Variants in ZNF469 observed in about 807,000 individuals in gnomAD.
ZNF469 encodes zinc finger protein 469.
A neutral mutation model predicts 1.0 loss-of-function variants in ZNF469; 1 was observed. That is an observed-to-expected ratio of 1.00 (90% CI 0.35 to 4.73). The LOEUF (loss-of-function observed/expected upper bound fraction) is 4.73, where lower values mean the gene tolerates loss of function less well. ZNF469 is among the 30% of genes most tolerant of loss of function. The probability of loss-of-function intolerance (pLI) is 0.16; values close to 1 mark genes in which losing one functional copy is unlikely to be tolerated. For missense variants in ZNF469, 6,100 were observed against 5,356.3 expected (o/e 1.14, Z -4.33); for synonymous variants, 2,703 against 2,363.4 (o/e 1.14, Z -4.17).
At chr16:88,310,574 T>TA in the ZNF469 span, among the ~76,000 whole-genome samples, 1 of 151,616 alleles carries the variant, frequency 6.6e-6, no homozygotes. Flanking sequence ...TTTTTTTTTT[T>TA]TTATTAATTT....
At chr16:88,253,516 A>T in the ZNF469 span, among the ~76,000 whole-genome samples, 3 of 150,714 alleles carry the variant, frequency 2.0e-5, no homozygotes, top group African/African-American at 7.3e-5. Context: ...TTGTGTTCAA[A>T]TCTTTTGTCC....
At chr16:88,409,819 C>A (rs937126782) in intron 1 of ZNF469, among the ~76,000 whole-genome samples, 4 of 119,942 alleles carry the variant, frequency 3.3e-5, no homozygotes, top group African/African-American at 1.3e-4. Flanking sequence ...CGCTCAGTGG[C>A]CTGTGAGCGG....
chr16:88,179,877 G>A, the ZNF469 span, among the ~76,000 whole-genome samples: 1 of 152,242 alleles, frequency 6.6e-6, no homozygotes, highest in Non-Finnish European at 1.5e-5. Flanking sequence ...ATGGGAGGGA[G>A]GAAGTACAGG....
the ZNF469 span, among the ~76,000 whole-genome samples, chr16:88,280,586 G>A: frequency 6.6e-6 from 1 of 151,408 alleles, no homozygotes; most frequent in Admixed American, 6.6e-5. Flanking sequence ...TGATGTTGGT[G>A]CACAGGTTAG....
chr16:88,134,095 C>CTAAA, the ZNF469 span, among the ~76,000 whole-genome samples: 17 of 108,526 alleles, frequency 1.6e-4, no homozygotes, highest in African/African-American at 5.6e-4. Flanking sequence ...GAGTCTCTGT[C>CTAAA]TCAATGAATG....
the ZNF469 span, among the ~76,000 whole-genome samples, chr16:88,240,973 G>A: frequency 1.3e-5 from 2 of 152,064 alleles, no homozygotes; most frequent in Non-Finnish European, 2.9e-5. Flanking sequence ...CCATCTTCCT[G>A]CAGGCCCTGG....
chr16:88,140,802 G>A, the ZNF469 span, among the ~76,000 whole-genome samples: 2 of 152,060 alleles, frequency 1.3e-5, no homozygotes, highest in South Asian at 2.1e-4. Flanking sequence ...GCGTGGTGGC[G>A]GGCGCCTATA....
chr16:88,326,819 G>T, the ZNF469 span, among the ~76,000 whole-genome samples: 1 of 152,116 alleles, frequency 6.6e-6, no homozygotes, highest in Non-Finnish European at 1.5e-5. Context: ...TGACCCCCCC[G>T]CTCTTTCCTG....
chr16:88,104,459 G>T, the ZNF469 span, among the ~76,000 whole-genome samples: 1 of 152,020 alleles, frequency 6.6e-6, no homozygotes, highest in Admixed American at 6.6e-5. Flanking sequence ...CCAGCCTCTT[G>T]CCGGCCCCTT....
chr16:88,113,423 T>C, the ZNF469 span, among the ~76,000 whole-genome samples: 4 of 152,190 alleles, frequency 2.6e-5, no homozygotes, highest in African/African-American at 9.7e-5. Flanking sequence ...GCGTGGGTAA[T>C]GGGCGGCTCT....
rs1019165112 is a variant in ZNF469 at position 88,434,337 on chromosome 16, C to T, written c.6867C>T (p.Ser2289=). The part of the protein sequence containing the change: ...PSVAVRATGL[S]STPTGDEAQA... ...TGGCCGTCAGGGCTACTGGCCTGTCCAGCACTCCCACCGGAGATGAGGCAC... is the reference window on the plus strand; with the variant it reads ...TGGCCGTCAGGGCTACTGGCCTGTCTAGCACTCCCACCGGAGATGAGGCAC... Residue 2289 remains serine, a synonymous_variant, in exon 3 of 3, where the codon TCC becomes TCT. Transcript: ENST00000565624. The T allele has an allele frequency of 6.5e-7, 1 of 1,550,242 alleles. No individual in the cohort carries two copies. Among genetic ancestry groups the T allele is most frequent in the Non-Finnish European group, 8.7e-7 (1 of 1,146,964 alleles).
chr16:88,407,167 T>C (rs1905046559), intron 1 of ZNF469, among the ~76,000 whole-genome samples: 2 of 104,900 alleles, frequency 1.9e-5, no homozygotes, highest in African/African-American at 8.6e-5. Context: ...TGTCCCTGAG[T>C]GGGCGGCTGC....
the ZNF469 span, among the ~76,000 whole-genome samples, chr16:88,242,632 G>T: frequency 3.3e-5 from 5 of 152,262 alleles, no homozygotes; most frequent in African/African-American, 1.2e-4. Flanking sequence ...TCAGCCCAGA[G>T]CAGATGGGAG....
the ZNF469 span, among the ~76,000 whole-genome samples, chr16:88,205,767 T>C: frequency 2.0e-5 from 3 of 152,104 alleles, no homozygotes; most frequent in Non-Finnish European, 4.4e-5. The surrounding 1 kb of genome is among the most constrained non-coding windows in gnomAD (Gnocchi z 4.2). Context: ...GGGAGGAAGC[T>C]GGGTTTTCTG....
At chr16:88,366,140 CCATCATCACCAT>C in the ZNF469 span, among the ~76,000 whole-genome samples, 3 of 148,886 alleles carry the variant, frequency 2.0e-5, no homozygotes, top group African/African-American at 7.5e-5. Flanking sequence ...ATCATCATCA[CCATCATCACCAT>C]CATCATCACC....
the ZNF469 span, among the ~76,000 whole-genome samples, chr16:88,239,662 TTTTTGTATATATATA>T: frequency 3.5e-4 from 33 of 95,392 alleles, no homozygotes; most frequent in African/African-American, 1.2e-3. Context: ...TTATTTTTTT[TTTTTGTATATATATA>T]TATATATATA....
rs1439439928 is a variant in ZNF469 at position 88,437,637 on chromosome 16, G to A, written c.10167G>A (p.Gly3389=). The change falls in exon 3 of 3, where the codon GGG becomes GGA. Residue 3389 remains glycine, a synonymous_variant. Coordinates refer to ENST00000565624, the MANE Select transcript of ZNF469 (RefSeq NM_001367624.2). ...TGGCACACCTGGGCGGGGCGCACGG[G>A]CTGCTGGAGCGGCCGGAGCTGCAGC... is the stretch of plus-strand genomic sequence containing the variant. The part of the protein sequence containing the change: ...ELLAHLGGAH[G]LLERPELQHT... 2 of 1,542,224 alleles carry A rather than the reference G, an allele frequency of 1.3e-6. No homozygotes were observed. Among genetic ancestry groups the A allele is most frequent in the East Asian group, 2.5e-5 (1 of 40,594 alleles).
chr16:88,358,382 G>C, the ZNF469 span, among the ~76,000 whole-genome samples: 2 of 152,152 alleles, frequency 1.3e-5, no homozygotes, highest in East Asian at 3.9e-4. Flanking sequence ...TCTGGGGCTG[G>C]GTGCATTTCC....
the ZNF469 span, among the ~76,000 whole-genome samples, chr16:88,159,479 G>A: frequency 0.03 from 4,583 of 152,084 alleles, 175 homozygotes; most frequent in African/African-American, 0.1. Context: ...TGTGGTGCAC[G>A]GAAGCGCTTC....
Sources: gnomAD v4.1 joint callset for allele counts (sites outside exome capture counted in the v4.1 genomes callset) on GRCh38, gnomAD v4.1.1 for gene constraint, Gnocchi (gnomAD v3.1) non-coding constraint, MANE v1.5 for transcripts, NCBI Gene and HGNC (gene_info 2026-07-23, HGNC 2026-07-21) for gene names.